Variants in JPH1 observed in about 807,000 individuals in gnomAD.
The protein encoded by JPH1 is junctophilin 1.
A neutral mutation model predicts 53.6 loss-of-function variants in JPH1; 12 were observed. The ratio of observed to expected loss-of-function variants is 0.22; its 90% CI spans 0.14 to 0.36. The LOEUF is 0.36. Among genes scored for constraint, JPH1 ranks in the 10% least tolerant of loss-of-function variants. The pLI, the probability that JPH1 is intolerant of heterozygous loss-of-function variation, is 1.00. For missense variants in JPH1, 808 were observed against 905.5 expected (o/e 0.89, Z 1.38); for synonymous variants, 375 against 363.8 (o/e 1.03, Z -0.35).
At chr8:74,294,314 C>T (rs1807436536) in intron 2 of JPH1, among the ~76,000 whole-genome samples, 1 of 152,196 alleles carries the variant, frequency 6.6e-6, no homozygotes, top group South Asian at 2.1e-4. Flanking sequence ...ATCAAACCTA[C>T]CTTATTCACC....
chr8:74,238,582 C>A (rs549693756), intron 4 of JPH1, among the ~76,000 whole-genome samples: 6 of 152,326 alleles, frequency 3.9e-5, no homozygotes, highest in African/African-American at 1.4e-4. Context: ...AGACACGTGA[C>A]ATTGCCCAAT....
At position 74,321,504 on chromosome 8, in the gene JPH1, T is replaced by TCGC. The variant is rs528679066; in HGVS notation, c.-220_-218dup. ...CCTTCCTCCTCCTCCTCCTCCTCCT[T>TCGC]CGCCGCCGCCGCCTGGGCCAGCGCC... On this transcript the variant is annotated 5_prime_UTR_variant, in exon 1 of 6. Coordinates refer to ENST00000342232, the MANE Select transcript of JPH1 (RefSeq NM_020647.4). This position sits in a 1 kb window ranked among gnomAD's most constrained non-coding sequence, Gnocchi z 4.3. 1.1e-3 allele frequency: 490 copies of TCGC among 462,410 alleles called. 3 individuals are homozygous for TCGC. Among genetic ancestry groups the TCGC allele is most frequent in the African/African-American group, 8.9e-3 (431 of 48,270 alleles). The allele number at this position is 462,410 out of a possible 1,614,324, so 28.6% of individuals were successfully genotyped here. A position where few individuals can be genotyped will look rare whatever the true frequency, so the allele number is the denominator to read the frequency against.
intron 2 of JPH1, among the ~76,000 whole-genome samples, chr8:74,273,501 C>G (rs1459747455): frequency 1.3e-5 from 2 of 152,106 alleles, no homozygotes; most frequent in African/African-American, 4.8e-5. Flanking sequence ...ATAATTTAAC[C>G]AAAATATTAG....
At chr8:74,243,670 A>G (rs1048783366) in intron 4 of JPH1, among the ~76,000 whole-genome samples, 3 of 152,180 alleles carry the variant, frequency 2.0e-5, no homozygotes, top group Non-Finnish European at 4.4e-5. Flanking sequence ...TTCTAAAGGG[A>G]TGTGATCAGG....
At chr8:74,312,962 A>G (rs1808039252) in intron 2 of JPH1, among the ~76,000 whole-genome samples, 1 of 152,202 alleles carries the variant, frequency 6.6e-6, no homozygotes, top group African/African-American at 2.4e-5. Context: ...ACTACCCCCA[A>G]AAGACTTGCA....
In JPH1 at chr8:74,244,634, G is replaced by A; in HGVS notation, c.1800C>T (p.Ala600=). 3 of 1,614,184 alleles carry A rather than the reference G, an allele frequency of 1.9e-6. No homozygotes were observed. The highest frequency in any genetic ancestry group is 1.7e-6 in the Non-Finnish European group (2 of 1,180,048). The change falls in exon 4 of 6, where the codon GCC becomes GCT. Residue 600 remains alanine (A), a synonymous_variant. Transcript: ENST00000342232. ...SPSKSVTKPV[A]KESKAEPKAK... ...CTTTTGGCTCAGCTTTGCTTTCTTT[G>A]GCAACTGGTTTTGTCACAGATTTGG...
intron 2 of JPH1, among the ~76,000 whole-genome samples, chr8:74,272,413 T>C (rs900307397): frequency 1.3e-5 from 2 of 150,358 alleles, no homozygotes; most frequent in Non-Finnish European, 2.9e-5. Context: ...AAAGAAAACT[T>C]CTTCTCCCTT....
Position 74,267,200 on chromosome 8 carries a change from C to T in JPH1, c.1140-7697G>A, listed in dbSNP as rs968674394. Among the ~76,000 whole-genome samples, 8 of 152,088 alleles carry T rather than the reference C, an allele frequency of 5.3e-5. No homozygotes were observed. The South Asian group carries it at 6.2e-4, about 12-fold the overall frequency. On this transcript the variant is annotated intron_variant, in intron 2 of 5. Transcript: ENST00000342232. ...GCAAATTAAAGGTCAAGGTTCTAAACGGAACTGTGAGCGTCATGTCACAGA... is the reference window on the plus strand; with the variant it reads ...GCAAATTAAAGGTCAAGGTTCTAAATGGAACTGTGAGCGTCATGTCACAGA...
chr8:74,236,169 T>G lies in JPH1; in HGVS notation c.*882A>C, dbSNP rs533996345. The G allele has an allele frequency of 3.3e-5, 5 of 152,352 alleles. No homozygotes were observed. The highest frequency in any genetic ancestry group is 1.2e-4 in the African/African-American group (5 of 41,578). The allele number at this position is 152,352 out of a possible 1,614,324, so 9.4% of individuals were successfully genotyped here. On this transcript the variant is annotated 3_prime_UTR_variant, in exon 6 of 6. Transcript: ENST00000342232. ...CAGTAATGTTAAAAATATTTAGAAT[T>G]AAATTAGTTCTTAGGAAGGCATAGT...
Position 74,315,450 on chromosome 8 carries a change from C to A in JPH1, c.550G>T (p.Asp184Tyr). 6.2e-7 allele frequency: 1 copy of A among 1,609,366 alleles called. No individual in the cohort carries two copies. Among genetic ancestry groups the A allele is most frequent in the South Asian group, 1.1e-5 (1 of 90,910 alleles). The change falls in exon 2 of 6, where the codon GAC (aspartate) becomes TAC (tyrosine). Residue 184 changes from aspartate to tyrosine, a missense_variant. By Grantham distance (160) the Asp-to-Tyr change is radical (BLOSUM62 -3). Transcript: ENST00000342232. The surrounding 1 kb of genome is among the most constrained non-coding windows in gnomAD (Gnocchi z 6.3). ...CCGCCGCGGGTGCCGGCCGGGCTGT[C>A]GGCGGCGGCTGCGGCGTCGTGGAGC... ...SVLHDAAAAA[D>Y]SPAGTRGGFV...
chr8:74,245,170 C>T lies in JPH1; in HGVS notation c.1264G>A (p.Asp422Asn), dbSNP rs1805820651. ...LSPDFYQPGPDYVKQRFQEGV... is the reference protein window; with the variant it reads ...LSPDFYQPGPNYVKQRFQEGV... The stretch of plus-strand genomic sequence containing the variant: ...TCCTGAAATCTCTGTTTGACGTAAT[C>T]AGGGCCTGGCCAAAAAAAAAAGAAA... Residue 422 changes from aspartate (D) to asparagine (N), a missense_variant, in exon 4 of 6, where the codon GAT becomes AAT. This residue lies in a region of JPH1 where 756 missense variants were observed against 811.9 expected (regional missense o/e 0.93). Transcript: ENST00000342232. 1 of 1,554,530 alleles carries T rather than the reference C, an allele frequency of 6.4e-7. No homozygotes were observed. Among genetic ancestry groups the T allele is most frequent in the Non-Finnish European group, 8.6e-7 (1 of 1,161,792 alleles).
chr8:74,244,340 G>T (rs1805785231), intron 4 of JPH1, among the ~76,000 whole-genome samples, 189 bp downstream of exon 4: 1 of 152,116 alleles, frequency 6.6e-6, no homozygotes, highest in Non-Finnish European at 1.5e-5. Context: ...GGGGTGGTGG[G>T]GGGAATTTCT....
At chr8:74,274,967 ATTTACT>A (rs2131411685) in intron 2 of JPH1, among the ~76,000 whole-genome samples, 1 of 152,226 alleles carries the variant, frequency 6.6e-6, no homozygotes, top group Admixed American at 6.5e-5. Context: ...GTTTCGGCCT[ATTTACT>A]TTTAAGATGT....
At chr8:74,303,959 C>G (rs1807757964) in intron 2 of JPH1, among the ~76,000 whole-genome samples, 1 of 152,210 alleles carries the variant, frequency 6.6e-6, no homozygotes, top group Admixed American at 6.5e-5. Context: ...ACCTAGCACT[C>G]TTTCCCAACC....
intron 3 of JPH1, among the ~76,000 whole-genome samples, chr8:74,257,873 T>A (rs1308375344): frequency 6.6e-6 from 1 of 152,216 alleles, no homozygotes; most frequent in African/African-American, 2.4e-5. Flanking sequence ...ATATCTATCA[T>A]TCAACAACCA....
chr8:74,296,063 G>A (rs956994128), intron 2 of JPH1, among the ~76,000 whole-genome samples: 3 of 87,492 alleles, frequency 3.4e-5, no homozygotes, highest in African/African-American at 1.4e-4. Context: ...TGGGCTAATA[G>A]ATGAACTATC....
At chr8:74,301,723 T>C (rs1586768700) in intron 2 of JPH1, among the ~76,000 whole-genome samples, 2 of 152,238 alleles carry the variant, frequency 1.3e-5, no homozygotes, top group African/African-American at 4.8e-5. Flanking sequence ...GCCCTCAGTG[T>C]TCTTCCCTCT....
rs759680911 is a variant in JPH1 at position 74,320,546 on chromosome 8, G to A, written c.379+363C>T. Among the ~76,000 whole-genome samples the A allele has an allele frequency of 6.6e-6, 1 of 152,176 alleles. No individual in the cohort carries two copies. Among genetic ancestry groups the A allele is most frequent in the Non-Finnish European group, 1.5e-5 (1 of 68,018 alleles). On this transcript the variant is annotated intron_variant, in intron 1 of 5. Coordinates refer to ENST00000342232, the MANE Select transcript of JPH1 (RefSeq NM_020647.4). The surrounding 1 kb of genome is among the most constrained non-coding windows in gnomAD (Gnocchi z 4.4). ...ACCCGGCCGGGAGAGGGAGGGATCA[G>A]GAACGTAATGTGACGGGCTCAAGTG...
At chr8:74,305,004 C>T (rs1807792208) in intron 2 of JPH1, among the ~76,000 whole-genome samples, 1 of 152,204 alleles carries the variant, frequency 6.6e-6, no homozygotes, top group Admixed American at 6.5e-5. Flanking sequence ...GAAACAGCAA[C>T]TAAAACAGAA....
Sources: allele counts gnomAD v4.1 joint callset (sites outside exome capture counted in the v4.1 genomes callset), GRCh38; gene constraint gnomAD v4.1.1; regional missense constraint gnomAD v4.1.1; non-coding constraint Gnocchi (gnomAD v3.1); transcripts MANE v1.5; gene names NCBI Gene and HGNC (gene_info 2026-07-23, HGNC 2026-07-21).